Variants in CDH4 observed in about 807,000 individuals in gnomAD.
CDH4 encodes the protein cadherin 4, also known as cadherin-4.
In CDH4, 33 loss-of-function variants were observed where a neutral mutation model predicts 86.0. The observed-to-expected ratio is 0.38, with a 90% CI of 0.29 to 0.51. CDH4 has a LOEUF of 0.51. Ranked by LOEUF, CDH4 falls within the 20% of genes least tolerant of loss-of-function variation. CDH4 has a pLI of 0.86. For missense variants in CDH4, 1,114 were observed against 1,307.4 expected, an observed-to-expected ratio of 0.85 and a Z score of 2.28; for synonymous variants, 555 against 549.4, an observed-to-expected ratio of 1.01 and a Z score of -0.14.
In CDH4 at chr20:61,940,098, A is replaced by AAAAG. The variant is rs901188933; in HGVS notation, c.*3158_*3161dup. ...TGTCAGTGCTCAAAGGAATAACACC[A>AAAAG]AAAGAATCAACACAGAATCTCCCAG... is the stretch of plus-strand genomic sequence containing the variant. On this transcript the variant is annotated 3_prime_UTR_variant, in exon 16 of 16. Coordinates refer to ENST00000614565, the MANE Select transcript of CDH4 (RefSeq NM_001794.5). 2 of 152,220 alleles carry AAAAG rather than the reference A, an allele frequency of 1.3e-5. No individual in the cohort carries two copies. Among genetic ancestry groups the AAAAG allele is most frequent in the Non-Finnish European group, 2.9e-5 (2 of 68,052 alleles). The allele number at this position is 152,220 out of a possible 1,614,324, so 9.4% of individuals were successfully genotyped here.
intron 2 of CDH4, among the ~76,000 whole-genome samples, chr20:61,344,685 G>T (rs1671275242): frequency 6.6e-6 from 1 of 152,104 alleles, no homozygotes. Flanking sequence ...TTCCTAGATT[G>T]ATTTTTCTTT....
At chr20:61,530,631 TAGAG>T (rs766498656) in intron 2 of CDH4, among the ~76,000 whole-genome samples, 1 of 151,524 alleles carries the variant, frequency 6.6e-6, no homozygotes, top group African/African-American at 2.4e-5. Context: ...CCTCGGAAAA[TAGAG>T]AGGCAATCAG....
chr20:61,527,539 C>T (rs758394397), intron 2 of CDH4, among the ~76,000 whole-genome samples: 16 of 152,188 alleles, frequency 1.1e-4, no homozygotes, highest in African/African-American at 1.9e-4. Flanking sequence ...CATGAGCCAC[C>T]GCGTCCGGCC....
chr20:61,407,110 C>T (rs1444376341), intron 2 of CDH4, among the ~76,000 whole-genome samples: 1 of 152,224 alleles, frequency 6.6e-6, no homozygotes, highest in South Asian at 2.1e-4. Context: ...ACTGTCCCCA[C>T]CAAGCAAAGA....
At chr20:61,877,752 G>A (rs1044509585) in intron 7 of CDH4, among the ~76,000 whole-genome samples, 3 of 152,288 alleles carry the variant, frequency 2.0e-5, no homozygotes, top group African/African-American at 7.2e-5. Flanking sequence ...CAAGCTGGTT[G>A]ATGCAGTGAA....
intron 2 of CDH4, among the ~76,000 whole-genome samples, chr20:61,560,416 T>C (rs1166240851): frequency 2.0e-5 from 3 of 152,234 alleles, no homozygotes; most frequent in African/African-American, 7.2e-5. Context: ...GAGTTTTGCA[T>C]TGATTTAAGC....
chr20:61,933,507 C>T (rs537150665), intron 14 of CDH4, among the ~76,000 whole-genome samples: 1 of 152,354 alleles, frequency 6.6e-6, no homozygotes, highest in South Asian at 2.1e-4. Flanking sequence ...GGAGGGTAGA[C>T]TGTGAGAGCT....
At chr20:61,860,648 G>A (rs7267768) in intron 6 of CDH4, among the ~76,000 whole-genome samples, 112,209 of 152,028 alleles carry the variant, frequency 0.74, 42,622 homozygotes, top group South Asian at 0.86. Flanking sequence ...GTTCTGTGCA[G>A]GGCCCCAGCA....
intron 2 of CDH4, among the ~76,000 whole-genome samples, chr20:61,403,033 T>A (rs542811825): frequency 6.6e-6 from 1 of 152,292 alleles, no homozygotes; most frequent in South Asian, 2.1e-4. Flanking sequence ...GTGGAAACAT[T>A]TTGTGGGACT....
intron 2 of CDH4, chr20:61,600,024 G>T: frequency 1.1e-6 from 1 of 891,644 alleles, no homozygotes. Context: ...AGTGTGAAGG[G>T]TTTATTATAA....
At chr20:61,368,915 T>C (rs72629014) in intron 2 of CDH4, among the ~76,000 whole-genome samples, 17,723 of 152,206 alleles carry the variant, frequency 0.12, 1,468 homozygotes, top group East Asian at 0.38. Context: ...TCAGTATCAC[T>C]GATTGTTGAC....
intron 2 of CDH4, among the ~76,000 whole-genome samples, chr20:61,492,451 T>G (rs1231994257): frequency 6.6e-6 from 1 of 152,016 alleles, no homozygotes; most frequent in East Asian, 1.9e-4. Context: ...GGTGTCAATA[T>G]TGTTGATGTT....
At chr20:61,515,406 C>T (rs1480903230) in intron 2 of CDH4, among the ~76,000 whole-genome samples, 2 of 152,248 alleles carry the variant, frequency 1.3e-5, no homozygotes, top group Non-Finnish European at 2.9e-5. Context: ...AGTGAGGACC[C>T]TCCTGGGCTC....
intron 2 of CDH4, among the ~76,000 whole-genome samples, chr20:61,444,283 G>GTA (rs2085331299): frequency 0.042 from 40 of 962 alleles, no homozygotes; most frequent in South Asian, 0.062. Flanking sequence ...GTATGTGTAT[G>GTA]TATGTGTGGG....
intron 6 of CDH4, among the ~76,000 whole-genome samples, chr20:61,857,792 G>T (rs1035202481): frequency 6.6e-6 from 1 of 152,264 alleles, no homozygotes; most frequent in African/African-American, 2.4e-5. Context: ...TTGCAGAACC[G>T]CAGTGCAGGT....
intron 2 of CDH4, among the ~76,000 whole-genome samples, chr20:61,331,896 G>A (rs1010930457): frequency 2.6e-5 from 4 of 152,170 alleles, no homozygotes; most frequent in East Asian, 1.9e-4. Flanking sequence ...CACAGTAGGC[G>A]TGTAAAAAGC....
At chr20:61,699,773 G>A (rs2087754729) in intron 2 of CDH4, among the ~76,000 whole-genome samples, 1 of 124,686 alleles carries the variant, frequency 8.0e-6, no homozygotes, top group East Asian at 1.9e-4. Flanking sequence ...CCGCGGACCC[G>A]GGGCTTTCAC....
intron 2 of CDH4, among the ~76,000 whole-genome samples, chr20:61,704,848 A>C (rs2087812878): frequency 6.6e-6 from 1 of 152,174 alleles, no homozygotes; most frequent in Non-Finnish European, 1.5e-5. Context: ...CACCACCCCC[A>C]GCTGTGACTA....
chr20:61,399,674 G>A (rs534008146), intron 2 of CDH4, among the ~76,000 whole-genome samples: 12 of 152,138 alleles, frequency 7.9e-5, no homozygotes, highest in African/African-American at 2.4e-4. Context: ...GGCCACTCAC[G>A]TCCACCTGCC....
Sources: allele counts gnomAD v4.1 joint callset (sites outside exome capture counted in the v4.1 genomes callset), GRCh38; gene constraint gnomAD v4.1.1; transcripts MANE v1.5; gene names NCBI Gene and HGNC (gene_info 2026-07-23, HGNC 2026-07-21).